The following FRMD6 variants were observed in gnomAD, a reference collection of about 807,000 sequenced individuals.
The protein encoded by FRMD6 is FERM domain-containing protein 6.
FRMD6 carries 37 observed loss-of-function variants against 73.2 expected under a neutral mutation model. The ratio of observed to expected loss-of-function variants is 0.51; its 90% confidence interval spans 0.39 to 0.66. FRMD6 has a LOEUF of 0.66. FRMD6 is among the 30% of genes least tolerant of loss of function. FRMD6 has a pLI of 0.00. For missense variants in FRMD6, 714 were observed against 780.5 expected (o/e 0.91, Z 1.02); for synonymous variants, 273 against 282.2 (o/e 0.97, Z 0.33).
At chr14:51,610,174 G>A (rs892219967) in intron 2 of FRMD6, among the ~76,000 whole-genome samples, 1 of 152,206 alleles carries the variant, frequency 6.6e-6, no homozygotes, top group South Asian at 2.1e-4. Context: ...TCCCAGGGCA[G>A]CCCTCGGCCA....
At chr14:51,519,528 G>A (rs1313586041) in intron 1 of FRMD6, among the ~76,000 whole-genome samples, 2 of 152,182 alleles carry the variant, frequency 1.3e-5, no homozygotes, top group Non-Finnish European at 2.9e-5. Context: ...TTTCCTAGCA[G>A]AAAGGACAAA....
chr14:51,697,236 C>T (rs764447430), intron 2 of FRMD6, among the ~76,000 whole-genome samples: 3 of 152,112 alleles, frequency 2.0e-5, no homozygotes, highest in Admixed American at 1.3e-4. Flanking sequence ...CAGTATTATT[C>T]ATAACAGTCA....
At chr14:51,423,510 A>G in the FRMD6 span, among the ~76,000 whole-genome samples, 1 of 152,194 alleles carries the variant, frequency 6.6e-6, no homozygotes, top group Non-Finnish European at 1.5e-5. Flanking sequence ...TGAGCTCCTG[A>G]GATGGCTCAC....
intron 1 of FRMD6, among the ~76,000 whole-genome samples, chr14:51,497,554 T>C (rs961206860): frequency 1.3e-5 from 2 of 152,274 alleles, no homozygotes; most frequent in Admixed American, 1.3e-4. Context: ...CATATATATG[T>C]TTTTTTGAAA....
intron 1 of FRMD6, among the ~76,000 whole-genome samples, chr14:51,665,230 C>T (rs1156305485): frequency 1.3e-5 from 2 of 152,242 alleles, no homozygotes; most frequent in Non-Finnish European, 2.9e-5. Flanking sequence ...AGCAACATAA[C>T]AGCTTCCCCC....
intron 7 of FRMD6, among the ~76,000 whole-genome samples, chr14:51,708,669 T>G (rs1417110781): frequency 5.3e-5 from 8 of 152,160 alleles, no homozygotes; most frequent in Admixed American, 5.2e-4. Flanking sequence ...CAGGTAATGT[T>G]TATGGAGTCC....
intron 2 of FRMD6, among the ~76,000 whole-genome samples, chr14:51,632,770 C>A (rs1054152000): frequency 4.6e-5 from 7 of 152,134 alleles, no homozygotes; most frequent in African/African-American, 1.4e-4. Context: ...AGAGGGCCAG[C>A]CTGATTGAGA....
At chr14:51,499,298 T>C (rs1056178844) in intron 1 of FRMD6, among the ~76,000 whole-genome samples, 8 of 152,232 alleles carry the variant, frequency 5.3e-5, no homozygotes, top group African/African-American at 1.7e-4. Context: ...TTCATTAATA[T>C]ACAAGAGAAA....
the FRMD6 span, among the ~76,000 whole-genome samples, chr14:51,467,160 GC>G: frequency 1.3e-5 from 2 of 152,072 alleles, no homozygotes; most frequent in Admixed American, 1.3e-4. Context: ...TTAGGGAGTG[GC>G]GATGACTCTT....
chr14:51,441,788 A>C, the FRMD6 span, among the ~76,000 whole-genome samples: 1 of 152,240 alleles, frequency 6.6e-6, no homozygotes, highest in African/African-American at 2.4e-5. Flanking sequence ...ATTTCAGAAA[A>C]ACATTTAAAA....
At chr14:51,723,919 C>T (rs1355018350) in intron 12 of FRMD6, among the ~76,000 whole-genome samples, 1 of 151,840 alleles carries the variant, frequency 6.6e-6, no homozygotes, top group Non-Finnish European at 1.5e-5. Flanking sequence ...TATAAAATGT[C>T]ATCTAATTAA....
At chr14:51,492,109 G>C (rs913171947) in intron 1 of FRMD6, among the ~76,000 whole-genome samples, 4 of 152,190 alleles carry the variant, frequency 2.6e-5, no homozygotes, top group African/African-American at 9.7e-5. Flanking sequence ...TGTTTCCGGA[G>C]ACAGAGTCCT....
chr14:51,486,313 C>G (rs1169630858), upstream of FRMD6, among the ~76,000 whole-genome samples: 4 of 152,094 alleles, frequency 2.6e-5, no homozygotes. Flanking sequence ...GGATTACAGG[C>G]ATGATCCACC....
chr14:51,538,656 CT>C (rs1309936229), intron 1 of FRMD6, among the ~76,000 whole-genome samples: 2 of 152,104 alleles, frequency 1.3e-5, no homozygotes, highest in Non-Finnish European at 2.9e-5. Context: ...TAAAACTATT[CT>C]TTCCCCATAA....
the FRMD6 span, among the ~76,000 whole-genome samples, chr14:51,460,511 A>C: frequency 2.0e-5 from 3 of 152,246 alleles, no homozygotes; most frequent in African/African-American, 7.2e-5. Context: ...TCCTTAAGGT[A>C]GTTTCCTAAA....
At chr14:51,645,609 TA>T (rs1274937012) in intron 2 of FRMD6, among the ~76,000 whole-genome samples, 1 of 152,016 alleles carries the variant, frequency 6.6e-6, no homozygotes, top group East Asian at 1.9e-4. Flanking sequence ...GCTAATTTTT[TA>T]TTTTTTTATT....
chr14:51,429,124 G>C, the FRMD6 span, among the ~76,000 whole-genome samples: 1 of 152,168 alleles, frequency 6.6e-6, no homozygotes, highest in Non-Finnish European at 1.5e-5. Context: ...AAGGCACCAA[G>C]CATGTGAATA....
intron 1 of FRMD6, among the ~76,000 whole-genome samples, chr14:51,662,644 A>G (rs1893301266): frequency 6.6e-6 from 1 of 152,250 alleles, no homozygotes; most frequent in Admixed American, 6.5e-5. Context: ...TACAAAAATT[A>G]ACTCAAAATG....
chr14:51,531,736 T>C (rs1002158541), intron 1 of FRMD6, among the ~76,000 whole-genome samples: 7 of 152,228 alleles, frequency 4.6e-5, no homozygotes, highest in Non-Finnish European at 1.0e-4. Flanking sequence ...ACAGGTGAAG[T>C]TCTTTCATGG....
Sources: allele counts gnomAD v4.1 joint callset (sites outside exome capture counted in the v4.1 genomes callset), GRCh38; gene constraint gnomAD v4.1.1; transcripts MANE v1.5; gene names NCBI Gene and HGNC (gene_info 2026-07-23, HGNC 2026-07-21).